The following NCKAP5 variants were observed in gnomAD, a reference collection of about 807,000 sequenced individuals.
NCKAP5 encodes the protein nck-associated protein 5.
In NCKAP5, 92 loss-of-function variants were observed where a neutral mutation model predicts 167.0. That is an observed-to-expected ratio of 0.55 (90% CI 0.47 to 0.66). The LOEUF is 0.66. Among genes scored for constraint, NCKAP5 ranks in the 30% least tolerant of loss-of-function variants. The probability of loss-of-function intolerance (pLI) is 0.00; values close to 1 mark genes in which losing one functional copy is unlikely to be tolerated. For missense variants in NCKAP5, 2,378 were observed against 2,315.0 expected (o/e 1.03, Z -0.56); for synonymous variants, 891 against 877.4 (o/e 1.02, Z -0.27).
chr2:132,860,636 A>G, intron 10 of NCKAP5, 25 bp from the exon 11 acceptor site: 3 of 1,554,002 alleles, frequency 1.9e-6, no homozygotes, highest in Non-Finnish European at 2.6e-6. Flanking sequence ...TCGAAGGAGG[A>G]AAAAGTCCAT....
At chr2:133,535,824 A>AT (rs1685718885) in intron 2 of NCKAP5, among the ~76,000 whole-genome samples, 1 of 152,160 alleles carries the variant, frequency 6.6e-6, no homozygotes, top group Non-Finnish European at 1.5e-5. Flanking sequence ...CTTTTTAGTA[A>AT]TAGCCATTCT....
At chr2:132,687,339 T>C (rs773079044) in intron 19 of NCKAP5, among the ~76,000 whole-genome samples, 51 of 152,114 alleles carry the variant, frequency 3.4e-4, no homozygotes, top group Admixed American at 1.3e-4. Flanking sequence ...GTAGCAATTG[T>C]TCACGCACCA....
chr2:133,171,644 G>C (rs1355276316), intron 5 of NCKAP5, among the ~76,000 whole-genome samples: 1 of 152,128 alleles, frequency 6.6e-6, no homozygotes, highest in African/African-American at 2.4e-5. Context: ...CATCTCAAAG[G>C]AGAAAAGGTG....
intron 2 of NCKAP5, among the ~76,000 whole-genome samples, chr2:133,532,949 C>G (rs1029622141): frequency 6.6e-6 from 1 of 152,094 alleles, no homozygotes; most frequent in African/African-American, 2.4e-5. Context: ...TTTTCAGAGG[C>G]TAGAGGGAGG....
intron 6 of NCKAP5, among the ~76,000 whole-genome samples, chr2:133,076,635 G>GC (rs1489741647): frequency 7.9e-5 from 12 of 152,198 alleles, no homozygotes; most frequent in Non-Finnish European, 1.6e-4. Flanking sequence ...GAGGTGGGCA[G>GC]CCCCAGGCTG....
At chr2:133,117,400 G>A (rs961268049) in intron 6 of NCKAP5, 26 of 152,188 alleles carry the variant, frequency 1.7e-4, no homozygotes, top group African/African-American at 6.0e-4. Context: ...ATTAAATGAT[G>A]GATGTTCTCA....
chr2:132,764,818 C>T (rs567408518), intron 16 of NCKAP5, among the ~76,000 whole-genome samples: 5 of 152,198 alleles, frequency 3.3e-5, no homozygotes, highest in South Asian at 2.1e-4. Flanking sequence ...AGCAGCCTTC[C>T]GCTCAAAAAG....
At chr2:133,034,125 A>G (rs992696329) in intron 6 of NCKAP5, among the ~76,000 whole-genome samples, 2 of 152,152 alleles carry the variant, frequency 1.3e-5, no homozygotes, top group African/African-American at 2.4e-5. Context: ...ACAGCGAGAG[A>G]AAAGAAACAA....
rs373066348 is a variant in NCKAP5, at chr2:133,224,396, T to A, written c.144-10617A>T. 5.3e-5 allele frequency among the ~76,000 whole-genome samples: 8 copies of A among 152,348 alleles called. No homozygotes were observed. The East Asian group carries it at 1.2e-3, about 22-fold the overall frequency. ...AAGATTACAAACGCCTTCGCTCATA[T>A]TCAATATCAGAAACTAATCGCATGT... On this transcript the variant is annotated intron_variant, in intron 4 of 19. Transcript: ENST00000409261.
intron 3 of NCKAP5, among the ~76,000 whole-genome samples, chr2:133,457,110 C>T (rs944023998): frequency 6.6e-6 from 1 of 152,124 alleles, no homozygotes; most frequent in African/African-American, 2.4e-5. Context: ...TTGAGAGGTA[C>T]ATGATGAAGA....
intron 7 of NCKAP5, among the ~76,000 whole-genome samples, chr2:132,979,410 C>A (rs996829580): frequency 4.6e-5 from 7 of 152,082 alleles, no homozygotes; most frequent in Non-Finnish European, 1.0e-4. Flanking sequence ...TGAACAGGGC[C>A]CACCCCATGC....
intron 19 of NCKAP5, among the ~76,000 whole-genome samples, chr2:132,681,578 A>AT (rs200015176): frequency 0.01 from 1,573 of 152,174 alleles, 33 homozygotes; most frequent in African/African-American, 0.036. Flanking sequence ...GAAAAAAATA[A>AT]TTTTTTTGTG....
chr2:132,757,430 CA>C (rs1331407078), intron 16 of NCKAP5, among the ~76,000 whole-genome samples: 2 of 152,316 alleles, frequency 1.3e-5, no homozygotes, highest in African/African-American at 4.8e-5. Context: ...TAACTGGAAA[CA>C]TACATAGTTT....
intron 6 of NCKAP5, among the ~76,000 whole-genome samples, chr2:133,079,345 C>T (rs2080725768): frequency 6.6e-6 from 1 of 152,118 alleles, no homozygotes; most frequent in Non-Finnish European, 1.5e-5. Flanking sequence ...TTCTGGTTAA[C>T]TCTTAGTAAG....
At chr2:133,660,655 C>A in the NCKAP5 span, among the ~76,000 whole-genome samples, 19 of 152,264 alleles carry the variant, frequency 1.2e-4, no homozygotes, top group East Asian at 1.7e-3. Context: ...CAAAGTCAGA[C>A]TCCTCCAAAG....
At chr2:133,510,637 C>G (rs528436392) in intron 3 of NCKAP5, among the ~76,000 whole-genome samples, 1 of 152,346 alleles carries the variant, frequency 6.6e-6, no homozygotes, top group East Asian at 1.9e-4. Flanking sequence ...ACAGATACAG[C>G]AGACGTGCTA....
chr2:133,669,483 A>G, the NCKAP5 span, among the ~76,000 whole-genome samples: 3 of 152,124 alleles, frequency 2.0e-5, no homozygotes, highest in Admixed American at 1.3e-4. Context: ...GTCAGGTAAA[A>G]TTTCTTGGGT....
rs190850024 is a variant in NCKAP5 at position 133,006,724 on chromosome 2, C to T, written c.342-12485G>A. 1.4e-3 allele frequency among the ~76,000 whole-genome samples: 210 copies of T among 152,072 alleles called. 1 individual carries two copies. Among genetic ancestry groups the T allele is most frequent in the African/African-American group, 4.9e-3 (205 of 41,476 alleles). ...ATGTCCAAAGCAGCACAGTAAGTAGCCGGTGTTAATCTGTTGCTAATTTTT... is the reference window on the plus strand; with the variant it reads ...ATGTCCAAAGCAGCACAGTAAGTAGTCGGTGTTAATCTGTTGCTAATTTTT... On this transcript the variant is annotated intron_variant, in intron 6 of 19. Transcript: ENST00000409261.
At position 132,784,684 on chromosome 2, in the gene NCKAP5, A is replaced by G; in HGVS notation, c.2127T>C (p.His709=). ...CAATTCCCTGAGGTAAAAGCTCAGTATGTTCTGCCTTGGGTCCAGCAGGAG... is the reference window on the plus strand; with the variant it reads ...CAATTCCCTGAGGTAAAAGCTCAGTGTGTTCTGCCTTGGGTCCAGCAGGAG... ...NSTPAGPKAE[H]TELLPQGIAC... Residue 709 remains histidine, a synonymous_variant, in exon 14 of 20, where the codon CAT becomes CAC. Transcript: ENST00000409261. The G allele has an allele frequency of 6.2e-7, 1 of 1,613,960 alleles. No homozygotes were observed. Among genetic ancestry groups the G allele is most frequent in the Non-Finnish European group, 8.5e-7 (1 of 1,179,888 alleles).
Sources: allele counts gnomAD v4.1 joint callset (sites outside exome capture counted in the v4.1 genomes callset), GRCh38; gene constraint gnomAD v4.1.1; transcripts MANE v1.5; gene names NCBI Gene and HGNC (gene_info 2026-07-23, HGNC 2026-07-21).